The following NUS1 variants were observed in gnomAD, a reference collection of about 807,000 sequenced individuals.
NUS1 encodes the protein NUS1 dehydrodolichyl diphosphate synthase subunit, also known as dehydrodolichyl diphosphate synthase complex subunit NUS1.
For missense variants in NUS1, 292 were observed against 382.9 expected (o/e 0.76, Z 1.98); for synonymous variants, 135 against 155.2 (o/e 0.87, Z 0.97).
intron 4 of NUS1, among the ~76,000 whole-genome samples, chr6:117,704,027 A>C (rs375130576): frequency 3.3e-5 from 5 of 152,276 alleles, no homozygotes; most frequent in Admixed American, 2.0e-4. Context: ...GAAGGGGGGA[A>C]AAAGAAAACC....
At chr6:117,676,906 G>T (rs1245692366) in intron 1 of NUS1, among the ~76,000 whole-genome samples, 2 of 152,196 alleles carry the variant, frequency 1.3e-5, no homozygotes, top group Non-Finnish European at 2.9e-5. Flanking sequence ...GAGCGGTGGG[G>T]GTCAGGTGGT....
intron 1 of NUS1, among the ~76,000 whole-genome samples, chr6:117,679,674 G>T (rs935241482): frequency 6.6e-6 from 1 of 152,128 alleles, no homozygotes; most frequent in African/African-American, 2.4e-5. Context: ...GGCTTCACAT[G>T]GTCTGGAGGT....
chr6:117,698,395 TATGCCAATAAATTGGAAA>T (rs1375197083), intron 3 of NUS1, among the ~76,000 whole-genome samples: 1 of 152,056 alleles, frequency 6.6e-6, no homozygotes, highest in Admixed American at 6.6e-5. Context: ...TGAGTAACTA[TATGCCAATAAATTGGAAA>T]ATCTAGAAGA....
At chr6:117,686,481 A>G (rs1275371404) in intron 1 of NUS1, among the ~76,000 whole-genome samples, 1 of 152,204 alleles carries the variant, frequency 6.6e-6, no homozygotes, top group Admixed American at 6.5e-5. Flanking sequence ...TGCTTGGCCA[A>G]AGACAATTGC....
chr6:117,696,246 G>C (rs994041850), intron 3 of NUS1, among the ~76,000 whole-genome samples: 6 of 152,004 alleles, frequency 3.9e-5, no homozygotes, highest in Non-Finnish European at 5.9e-5. Context: ...GGAGACAAAA[G>C]AATGAAACAC....
At position 117,698,779 on chromosome 6, in the gene NUS1, A is replaced by G. The variant is rs1034046320; in HGVS notation, c.691+4599A>G. Among the ~76,000 whole-genome samples the G allele has an allele frequency of 2.6e-5, 4 of 152,116 alleles. No individual in the cohort carries two copies. In the South Asian group the frequency reaches 8.3e-4, roughly 32 times the overall value. On this transcript the variant is annotated intron_variant, in intron 3 of 4. Transcript: ENST00000368494. ...TCATGAAGAAATCCTCCACAAAATA[A>G]TGGCAAACCAAATTCAACAATATAT...
chr6:117,698,826 G>T (rs1237053757), intron 3 of NUS1, among the ~76,000 whole-genome samples: 1 of 151,962 alleles, frequency 6.6e-6, no homozygotes, highest in African/African-American at 2.4e-5. Context: ...TGACCAAGTG[G>T]GATTTATCCC....
chr6:117,695,728 G>C (rs972619382), intron 3 of NUS1, among the ~76,000 whole-genome samples: 1 of 152,054 alleles, frequency 6.6e-6, no homozygotes, highest in African/African-American at 2.4e-5. Context: ...CCCCACTCCT[G>C]CCCCCTAAAC....
chr6:117,706,896 G>A lies in NUS1; in HGVS notation c.792-29G>A, dbSNP rs183516175. 1.9e-4 allele frequency: 303 copies of A among 1,571,288 alleles called. No individual in the cohort carries two copies. In the African/African-American group the frequency reaches 3.3e-3, roughly 17 times the overall value. On this transcript the variant is annotated intron_variant, in intron 4 of 4. Transcript: ENST00000368494. Reference sequence around the variant, plus strand: ...CCTACATTACAGTGTATATCTAATTGCTTTTCTCCCCCCGTGTTTTCTTTT... The same window carrying A: ...CCTACATTACAGTGTATATCTAATTACTTTTCTCCCCCCGTGTTTTCTTTT...
intron 3 of NUS1, among the ~76,000 whole-genome samples, chr6:117,701,231 T>A (rs1366885159): frequency 6.7e-6 from 1 of 148,600 alleles, no homozygotes; most frequent in East Asian, 2.0e-4. Context: ...TCCATTTATT[T>A]GGGTTCTAAT....
At chr6:117,705,894 A>G (rs1021279847) in intron 4 of NUS1, among the ~76,000 whole-genome samples, 2 of 152,180 alleles carry the variant, frequency 1.3e-5, no homozygotes, top group Non-Finnish European at 2.9e-5. Context: ...AGAGATGATG[A>G]GGAATTAGAA....
chr6:117,677,382 G>T (rs1772999569), intron 1 of NUS1, among the ~76,000 whole-genome samples: 1 of 152,222 alleles, frequency 6.6e-6, no homozygotes, highest in South Asian at 2.1e-4. Context: ...GAGATAAGTT[G>T]AGGAATACTC....
chr6:117,703,801 T>C, intron 4 of NUS1, 97 bp downstream of exon 4: 1 of 833,654 alleles, frequency 1.2e-6, no homozygotes, highest in Non-Finnish European at 2.1e-6. Flanking sequence ...CAAAGAATTA[T>C]AATACTGGAT....
chr6:117,695,195 A>T (rs922787495), intron 3 of NUS1, among the ~76,000 whole-genome samples: 7 of 26,824 alleles, frequency 2.6e-4, no homozygotes, highest in African/African-American at 6.1e-4. Flanking sequence ...CCCTGTCTCA[A>T]AAAAAAAAAA....
rs921392742 is a variant in NUS1, at chr6:117,710,156, G to C, written c.*3141G>C. The C allele has an allele frequency of 6.6e-6, 1 of 152,142 alleles. No homozygotes were observed. Among genetic ancestry groups the C allele is most frequent in the Non-Finnish European group, 1.5e-5 (1 of 67,972 alleles). 9.4% of individuals were successfully genotyped at this position (152,142 alleles called of 1,614,324 possible). A position where few individuals can be genotyped will look rare whatever the true frequency, so the allele number is the denominator to read the frequency against. On this transcript the variant is annotated 3_prime_UTR_variant, in exon 5 of 5. Transcript: ENST00000368494. ...AGGAATTTGATAGTTCTTGTCAAAT[G>C]AGAAAATTTAAAGGTAAGAGTTATG... is the stretch of plus-strand genomic sequence containing the variant.
At chr6:117,684,228 C>G (rs545192168) in intron 1 of NUS1, among the ~76,000 whole-genome samples, 3 of 152,366 alleles carry the variant, frequency 2.0e-5, no homozygotes, top group African/African-American at 7.2e-5. Context: ...CAGATAATCT[C>G]CCCAATCCCA....
intron 1 of NUS1, among the ~76,000 whole-genome samples, chr6:117,687,473 G>T (rs1243846074): frequency 2.0e-5 from 3 of 152,184 alleles, no homozygotes; most frequent in African/African-American, 7.2e-5. Context: ...ATGAGTGTAT[G>T]TGGAGGGGTT....
At chr6:117,696,673 G>A (rs1773325224) in intron 3 of NUS1, among the ~76,000 whole-genome samples, 1 of 152,084 alleles carries the variant, frequency 6.6e-6, no homozygotes, top group Non-Finnish European at 1.5e-5. Context: ...AGTATGCCCA[G>A]TGAAAATATC....
chr6:117,678,264 A>T (rs924118983), intron 1 of NUS1, among the ~76,000 whole-genome samples: 3 of 152,204 alleles, frequency 2.0e-5, no homozygotes, highest in African/African-American at 7.2e-5. Flanking sequence ...GTTTTTTTTA[A>T]AAGAATAAGA....
Sources: gnomAD v4.1 joint callset for allele counts (sites outside exome capture counted in the v4.1 genomes callset) on GRCh38, gnomAD v4.1.1 for gene constraint, MANE v1.5 for transcripts, NCBI Gene and HGNC (gene_info 2026-07-23, HGNC 2026-07-21) for gene names.